ULK2: variants seen among roughly 807,000 people sequenced by gnomAD.
ULK2 encodes serine/threonine-protein kinase ULK2.
ULK2 carries 76 observed loss-of-function variants against 127.5 expected under a neutral mutation model. That is an observed-to-expected ratio of 0.60 (90% CI 0.50 to 0.72). ULK2 has a LOEUF of 0.72. Ranked by LOEUF, ULK2 falls within the 30% of genes least tolerant of loss-of-function variation. The pLI, the probability that ULK2 is intolerant of heterozygous loss-of-function variation, is 0.00. For missense variants in ULK2, 1,144 were observed against 1,295.9 expected, an observed-to-expected ratio of 0.88 and a Z score of 1.80; for synonymous variants, 452 against 461.9, an observed-to-expected ratio of 0.98 and a Z score of 0.28.
intron 10 of ULK2, among the ~76,000 whole-genome samples, chr17:19,827,897 C>T (rs1226927313): frequency 2.7e-5 from 4 of 146,912 alleles, no homozygotes; most frequent in African/African-American, 7.6e-5. Context: ...GCACCAAGGG[C>T]GAAACTCTGT....
At chr17:19,834,230 A>G (rs1251416789) in intron 10 of ULK2, among the ~76,000 whole-genome samples, 2 of 151,972 alleles carry the variant, frequency 1.3e-5, no homozygotes, top group African/African-American at 4.8e-5. Context: ...AAAAAAAAAC[A>G]CTTTTCCAAA....
intron 20 of ULK2, among the ~76,000 whole-genome samples, chr17:19,789,024 A>G (rs1386083586): frequency 6.6e-6 from 1 of 152,152 alleles, no homozygotes; most frequent in South Asian, 2.1e-4. Context: ...TGTTGCCCTG[A>G]AAGGAAGGAC....
chr17:19,848,193 A>G (rs1008020004), intron 5 of ULK2: 1 of 152,212 alleles, frequency 6.6e-6, no homozygotes, highest in Non-Finnish European at 1.5e-5. Flanking sequence ...ACATATTTCA[A>G]TGTAGCAGGT....
At chr17:19,824,614 T>C (rs1321770052) in intron 12 of ULK2, among the ~76,000 whole-genome samples, 1 of 151,880 alleles carries the variant, frequency 6.6e-6, no homozygotes, top group Non-Finnish European at 1.5e-5. Flanking sequence ...GAGGTTTGAG[T>C]AGAAGCCACC....
At position 19,838,582 on chromosome 17, in the gene ULK2, T is replaced by C; in HGVS notation, c.706A>G (p.Ile236Val). 1 of 1,611,676 alleles carries C rather than the reference T, an allele frequency of 6.2e-7. No homozygotes were observed. The highest frequency in any genetic ancestry group is 8.5e-7 in the Non-Finnish European group (1 of 1,179,352). ...AAATAAGGTGATGTTTCTCTGGGAA[T>C]ACTGGGGGAAAGGAAAAACACAACC... ...YEKNRSLMPS[I>V]PRETSPYLAN... The change falls in exon 10 of 27, where the codon ATT becomes GTT. Residue 236 changes from isoleucine (I) to valine (V), a missense_variant and splice_region_variant. By Grantham distance (29) the Ile-to-Val change is conservative. Transcript: ENST00000395544.
intron 3 of ULK2, among the ~76,000 whole-genome samples, chr17:19,853,013 G>A (rs1206345743): frequency 2.0e-5 from 3 of 152,038 alleles, no homozygotes; most frequent in African/African-American, 7.3e-5. Context: ...ATGCCTAGAA[G>A]CAGAAGTAGA....
chr17:19,867,201 G>T (rs2042370386), intron 1 of ULK2, 127 bp downstream of exon 1: 1 of 666,476 alleles, frequency 1.5e-6, no homozygotes, highest in Non-Finnish European at 2.3e-6. Context: ...GACGGGCTGC[G>T]CGCACAATAG....
chr17:19,830,636 A>C lies in ULK2; in HGVS notation c.788-4450T>G, dbSNP rs1428080318. On this transcript the variant is annotated intron_variant, in intron 10 of 26. Coordinates refer to ENST00000395544, the MANE Select transcript of ULK2 (RefSeq NM_014683.4). ...GATTGTTTAAAAAAAAAAAAAAAAA[A>C]AACTAGAAATCAGTAACAGAGGAAA... Among the ~76,000 whole-genome samples, 5 of 151,468 alleles carry C rather than the reference A, an allele frequency of 3.3e-5. No homozygotes were observed. In the South Asian group the frequency reaches 6.2e-4, roughly 19 times the overall value.
At chr17:19,802,445 A>AGCG (rs2087421021) in intron 15 of ULK2, among the ~76,000 whole-genome samples, 1 of 152,224 alleles carries the variant, frequency 6.6e-6, no homozygotes, top group South Asian at 2.1e-4. Flanking sequence ...TAAGATTATG[A>AGCG]AAAATAAGCA....
chr17:19,835,152 T>G (rs2041560140), intron 10 of ULK2, among the ~76,000 whole-genome samples: 1 of 147,346 alleles, frequency 6.8e-6, no homozygotes, highest in Non-Finnish European at 1.5e-5. Flanking sequence ...GGTTTTTGTT[T>G]CTTTTTTTTT....
Position 19,818,797 on chromosome 17 carries a change from C to CTT in ULK2, c.925-1879_925-1878dup, listed in dbSNP as rs71157835. Among the ~76,000 whole-genome samples the CTT allele has an allele frequency of 2.3e-3, 178 of 77,748 alleles. 4 individuals are homozygous for CTT. Among genetic ancestry groups the CTT allele is most frequent in the African/African-American group, 7.6e-3 (162 of 21,290 alleles). The allele number at this position is 77,748 out of a possible 152,430, so 51.0% of individuals were successfully genotyped here. A position where few individuals can be genotyped will look rare whatever the true frequency, so the allele number is the denominator to read the frequency against. On this transcript the variant is annotated intron_variant, in intron 12 of 26. Transcript: ENST00000395544. ...CTCTTCTTCATTTCTTTTCTTTTTT[C>CTT]TTTTTTTTTTTTTTTTTTTTTGAGA...
rs1328201748 is a variant in ULK2 at position 19,797,376 on chromosome 17, A to G, written c.1809+20T>C. ...GTACTATACCAGTTCCTGACCTACA[A>G]AAGGGTTTAATAAACAAACCTTAGT... On this transcript the variant is annotated intron_variant, in intron 18 of 26. Coordinates refer to ENST00000395544, the MANE Select transcript of ULK2 (RefSeq NM_014683.4). 6.2e-7 allele frequency: 1 copy of G among 1,600,890 alleles called. No homozygotes were observed. Among genetic ancestry groups the G allele is most frequent in the Non-Finnish European group, 8.5e-7 (1 of 1,174,182 alleles).
At chr17:19,815,441 C>T (rs575081949) in intron 13 of ULK2, among the ~76,000 whole-genome samples, 1 of 152,196 alleles carries the variant, frequency 6.6e-6, no homozygotes, top group South Asian at 2.1e-4. Context: ...CGCCACCATA[C>T]CTGGCTAATT....
chr17:19,865,775 T>A lies in ULK2; in HGVS notation c.144A>T (p.Lys48Asn). ...IKSINKKNLS[K>N]SQILLGKEIK... ...TTTCCTTTCCAAGCAGTATTTGTGA[T>A]TTTGACAAGTTCTTTTTATTAATAC... Residue 48 changes from lysine to asparagine, a missense_variant, in exon 2 of 27, where the codon AAA becomes AAT. Coordinates refer to ENST00000395544, the MANE Select transcript of ULK2 (RefSeq NM_014683.4). 6.4e-7 allele frequency: 1 copy of A among 1,562,034 alleles called. No homozygotes were observed. The highest frequency in any genetic ancestry group is 8.8e-7 in the Non-Finnish European group (1 of 1,141,754).
At chr17:19,823,703 C>A (rs2041216332) in intron 12 of ULK2, among the ~76,000 whole-genome samples, 2 of 152,208 alleles carry the variant, frequency 1.3e-5, no homozygotes, top group Non-Finnish European at 2.9e-5. Context: ...ACCTCTCTAA[C>A]TGACCGGCCC....
chr17:19,772,669 G>A lies in ULK2; in HGVS notation c.*3680C>T, dbSNP rs2086752133. On this transcript the variant is annotated 3_prime_UTR_variant, in exon 27 of 27. Transcript: ENST00000395544. Reference sequence around the variant, plus strand: ...AGTGTGAAGTCCTCCTCCAAAACATGTGCTAACCACTAATATCAACATTAA... The same window carrying A: ...AGTGTGAAGTCCTCCTCCAAAACATATGCTAACCACTAATATCAACATTAA... 1 of 152,238 alleles carries A rather than the reference G, an allele frequency of 6.6e-6. No individual in the cohort carries two copies. Among genetic ancestry groups the A allele is most frequent in the Non-Finnish European group, 1.5e-5 (1 of 68,048 alleles). The allele number at this position is 152,238 out of a possible 1,614,324, so 9.4% of individuals were successfully genotyped here.
In ULK2 at chr17:19,849,364, G is replaced by A. The variant is rs2041963325; in HGVS notation, c.295+5C>T. On this transcript the variant is annotated splice_donor_5th_base_variant and intron_variant, in intron 5 of 26. Transcript: ENST00000395544. Reference sequence around the variant, plus strand: ...TACTGAACACTGACACACATACACAGTTACCTTGCAAATAATCTGCGAGGT... The same window carrying A: ...TACTGAACACTGACACACATACACAATTACCTTGCAAATAATCTGCGAGGT... 3.1e-6 allele frequency: 5 copies of A among 1,608,180 alleles called. No homozygotes were observed. The highest frequency in any genetic ancestry group is 3.4e-6 in the Non-Finnish European group (4 of 1,176,660).
At chr17:19,841,599 A>C (rs754046096) in intron 8 of ULK2, 52 bp from the exon 9 acceptor site, 5 of 1,412,416 alleles carry the variant, frequency 3.5e-6, no homozygotes, top group Middle Eastern at 1.8e-4. Context: ...CAAAACTTTC[A>C]AATCATATGA....
At chr17:19,812,524 T>C (rs982421131) in intron 13 of ULK2, among the ~76,000 whole-genome samples, 4 of 152,192 alleles carry the variant, frequency 2.6e-5, no homozygotes, top group African/African-American at 4.8e-5. Context: ...TGGCCTACAA[T>C]TGGGCACACA....
Sources: gnomAD v4.1 joint callset for allele counts (sites outside exome capture counted in the v4.1 genomes callset) on GRCh38, gnomAD v4.1.1 for gene constraint, MANE v1.5 for transcripts, NCBI Gene and HGNC (gene_info 2026-07-23, HGNC 2026-07-21) for gene names.